The following MACF1 variants were observed in gnomAD, a reference collection of about 807,000 sequenced individuals.
MACF1 encodes the protein microtubule actin crosslinking factor 1.
Under a neutral mutation model 854.8 loss-of-function variants are expected in MACF1, and 193 were observed. The ratio of observed to expected loss-of-function variants is 0.23; its 90% CI spans 0.20 to 0.25. MACF1 has a LOEUF of 0.25. Among genes scored for constraint, MACF1 ranks in the 10% least tolerant of loss-of-function variants. The pLI is 1.00. For synonymous variants in MACF1, 3,185 were observed against 3,226.7 expected (o/e 0.99, Z 0.44); for missense variants, 7,722 against 8,929.1 (o/e 0.86, Z 5.45).
rs139578945 is a variant in MACF1 at position 39,225,217 on chromosome 1, C to CTTTTTTTTTTTT, written c.110-5955_110-5954insTTTTTTTTTTTT. Among the ~76,000 whole-genome samples, 3 of 125,198 alleles carry CTTTTTTTTTTTT rather than the reference C, an allele frequency of 2.4e-5. 1 individual carries two copies. The highest frequency in any genetic ancestry group is 1.6e-5 in the Non-Finnish European group (1 of 62,024). The allele number at this position is 125,198 out of a possible 152,430, so 82.1% of individuals were successfully genotyped here. On this transcript the variant is annotated intron_variant, in intron 1 of 100. Coordinates refer to ENST00000564288, the MANE Select transcript of MACF1 (RefSeq NM_001394062.1). Reference sequence around the variant, plus strand: ...AACAAATAGCAAATTTTTCTTTTTTCTTTTTTTTTTGAGACGGAGTCTCGC... The same window carrying CTTTTTTTTTTTT: ...AACAAATAGCAAATTTTTCTTTTTTCTTTTTTTTTTTTTTTTTTTTTTGAGACGGAGTCTCGC...
At chr1:39,427,379 T>C in intron 61 of MACF1, 76 bp from the exon 62 acceptor site, 1 of 1,249,942 alleles carries the variant, frequency 8.0e-7, no homozygotes, top group Admixed American at 2.2e-5. Context: ...AGACTATTCT[T>C]TTACTGAGTA....
At chr1:39,201,264 C>G (rs983118759), upstream of MACF1, among the ~76,000 whole-genome samples, 9 of 152,194 alleles carry the variant, frequency 5.9e-5, no homozygotes, top group African/African-American at 2.2e-4. Flanking sequence ...TTTGTAGCCA[C>G]CAATTTTCAC....
At chr1:39,466,567 A>T (rs961559975) in intron 95 of MACF1, among the ~76,000 whole-genome samples, 9 of 152,080 alleles carry the variant, frequency 5.9e-5, no homozygotes, top group African/African-American at 2.2e-4. Flanking sequence ...CCTGCCTCTC[A>T]CCCATCCAGA....
chr1:39,205,918 C>T (rs1204211234), intron 1 of MACF1, among the ~76,000 whole-genome samples: 1 of 152,130 alleles, frequency 6.6e-6, no homozygotes, highest in Non-Finnish European at 1.5e-5. Flanking sequence ...GATTCTGAGT[C>T]TCCATGGTTG....
In MACF1 at chr1:39,477,045, GTATATATATATATATATATA is replaced by G. The variant is rs745911075; in HGVS notation, c.21959-2726_21959-2707del. 2.1e-3 allele frequency among the ~76,000 whole-genome samples: 131 copies of G among 63,738 alleles called. 5 individuals carry two copies. The highest frequency in any genetic ancestry group is 5.4e-3 in the African/African-American group (88 of 16,214). The allele number at this position is 63,738 out of a possible 152,430, so 41.8% of individuals were successfully genotyped here. A position where few individuals can be genotyped will look rare whatever the true frequency, so the allele number is the denominator to read the frequency against. ...ATACACACACATATATACACTTAGT[GTATATATATATATATATATA>G]TATATATATATATATATATATATAT... is the stretch of plus-strand genomic sequence containing the variant. On this transcript the variant is annotated intron_variant, in intron 97 of 100. Transcript: ENST00000564288.
At chr1:39,169,094 T>C (rs904935298) in intron 2 of MACF1, among the ~76,000 whole-genome samples, 1 of 152,250 alleles carries the variant, frequency 6.6e-6, no homozygotes, top group African/African-American at 2.4e-5. Flanking sequence ...CATTGAGTTC[T>C]TTTGTTCTTC....
intron 31 of MACF1, 24 bp from the exon 32 acceptor site, chr1:39,322,584 G>A: frequency 1.3e-6 from 2 of 1,558,704 alleles, no homozygotes; most frequent in South Asian, 1.1e-5. Context: ...CTGAGTAACT[G>A]TAGCGAAATT....
At position 39,379,216 on chromosome 1, in the gene MACF1, C is replaced by T; in HGVS notation, c.13290C>T (p.Ile4430=). The change falls in exon 54 of 101, where the codon ATC becomes ATT. Residue 4430 remains isoleucine, a synonymous_variant. Transcript: ENST00000564288. ...CTATGATACTAGATCTGACGGAGATCCAGTGTGACATGTCAGATGTAAACT... is the reference window on the plus strand; with the variant it reads ...CTATGATACTAGATCTGACGGAGATTCAGTGTGACATGTCAGATGTAAACT... ...GYHTCKDLTE[I]QCDMSDVNLK... The T allele has an allele frequency of 1.2e-6, 2 of 1,600,394 alleles. No homozygotes were observed. The highest frequency in any genetic ancestry group is 2.2e-5 in the South Asian group (2 of 89,170).
intron 95 of MACF1, among the ~76,000 whole-genome samples, chr1:39,466,920 A>C (rs1644680690): frequency 1.3e-5 from 2 of 152,234 alleles, no homozygotes; most frequent in African/African-American, 4.8e-5. Flanking sequence ...TTGCCTGTGC[A>C]AATACTGCAT....
chr1:39,381,806 T>TG (rs1053123600), intron 55 of MACF1, 147 bp from the exon 56 acceptor site: 1 of 654,570 alleles, frequency 1.5e-6, no homozygotes, highest in African/African-American at 1.8e-5. Flanking sequence ...CTATCCTGGG[T>TG]GATAGAGTGA....
rs1423007599 is a variant in MACF1 at position 39,297,682 on chromosome 1, A to G, written c.2418A>G (p.Arg806=). ...FLRNLQDSIK[R]KYSCDHNTSL... is the part of the protein sequence containing the mutation. ...GGAACCTCCAAGATTCCATTAAACG[A>G]AAATATTCCTGTGACCACAACACCA... The change falls in exon 21 of 101, where the codon CGA becomes CGG. Residue 806 remains arginine, a synonymous_variant. Coordinates refer to ENST00000564288, the MANE Select transcript of MACF1 (RefSeq NM_001394062.1). The G allele has an allele frequency of 1.9e-6, 3 of 1,614,214 alleles. No individual in the cohort carries two copies. The highest frequency in any genetic ancestry group is 2.2e-5 in the South Asian group (2 of 91,080).
At chr1:39,164,233 G>A (rs1643862530) in intron 2 of MACF1, among the ~76,000 whole-genome samples, 1 of 152,008 alleles carries the variant, frequency 6.6e-6, no homozygotes, top group South Asian at 2.1e-4. Context: ...TTTTTTTTAA[G>A]GATGGATTTC....
intron 2 of MACF1, among the ~76,000 whole-genome samples, chr1:39,101,883 G>GAGAA (rs1183490696): frequency 6.9e-6 from 1 of 144,690 alleles, no homozygotes; most frequent in Non-Finnish European, 1.5e-5. Context: ...AAAAGAGAGA[G>GAGAA]AGAAAGAAAG....
Position 39,109,125 on chromosome 1 carries a change from T to A in MACF1, c.220+24687T>A, listed in dbSNP as rs76616088. On this transcript the variant is annotated intron_variant, in intron 2 of 93. Coordinates refer to the MACF1 transcript ENST00000361689. Reference sequence around the variant, plus strand: ...CAGTCCTAGTTTTTGCCAGTTAATTTCTACTGTGTGACCTTGGAAAAGATT... The same window carrying A: ...CAGTCCTAGTTTTTGCCAGTTAATTACTACTGTGTGACCTTGGAAAAGATT... Among the ~76,000 whole-genome samples, 6 of 152,330 alleles carry A rather than the reference T, an allele frequency of 3.9e-5. No homozygotes were observed. The East Asian group carries it at 1.2e-3, about 29-fold the overall frequency.
In MACF1 at chr1:39,291,958, T is replaced by C; in HGVS notation, c.1834T>C (p.Leu612=). 6.2e-7 allele frequency: 1 copy of C among 1,613,774 alleles called. No individual in the cohort carries two copies. The highest frequency in any genetic ancestry group is 8.5e-7 in the Non-Finnish European group (1 of 1,179,942). ...EWGNDLPSVE[L]QLETQQHIHT... ...GGGCAATGACCTGCCTAGTGTGGAGTTGCAGCTAGAAACACAGCAGCACAT... is the reference window on the plus strand; with the variant it reads ...GGGCAATGACCTGCCTAGTGTGGAGCTGCAGCTAGAAACACAGCAGCACAT... The change falls in exon 16 of 101, where the codon TTG becomes CTG. Residue 612 remains leucine (L), a synonymous_variant. Coordinates refer to ENST00000564288, the MANE Select transcript of MACF1 (RefSeq NM_001394062.1).
intron 26 of MACF1, among the ~76,000 whole-genome samples, chr1:39,311,833 A>G (rs897771517): frequency 6.6e-6 from 1 of 152,196 alleles, no homozygotes; most frequent in African/African-American, 2.4e-5. Context: ...AGAGAGCTCT[A>G]TGAAGGCTAT....
At chr1:39,259,163 G>GT (rs979142090) in intron 6 of MACF1, among the ~76,000 whole-genome samples, 1 of 152,114 alleles carries the variant, frequency 6.6e-6, no homozygotes, top group African/African-American at 2.4e-5. Context: ...AAATTTGTTT[G>GT]TTTTTTGGTC....
At chr1:39,269,709 G>T in intron 6 of MACF1, 1 of 1,289,144 alleles carries the variant, frequency 7.8e-7, no homozygotes, top group Non-Finnish European at 1.0e-6. Flanking sequence ...CCCATCATGG[G>T]GTCTGGAAGA....
At chr1:39,177,960 G>A (rs1046505797) in intron 2 of MACF1, among the ~76,000 whole-genome samples, 1 of 152,084 alleles carries the variant, frequency 6.6e-6, no homozygotes, top group Non-Finnish European at 1.5e-5. Flanking sequence ...CTGGGTGGTA[G>A]TTATTTCAAT....
Sources: allele counts gnomAD v4.1 joint callset (sites outside exome capture counted in the v4.1 genomes callset), GRCh38; gene constraint gnomAD v4.1.1; transcripts MANE v1.5; gene names NCBI Gene and HGNC (gene_info 2026-07-23, HGNC 2026-07-21).